Variants in SNX25 observed in about 807,000 individuals in gnomAD.
SNX25 encodes the protein sorting nexin-25.
Under a neutral mutation model 113.7 loss-of-function variants are expected in SNX25, and 62 were observed. The ratio of observed to expected loss-of-function variants is 0.55; its 90% CI spans 0.44 to 0.67. The LOEUF (loss-of-function observed/expected upper bound fraction) is 0.67. Among genes scored for constraint, SNX25 ranks in the 30% least tolerant of loss-of-function variants. The pLI is 0.00. For synonymous variants in SNX25, 421 were observed against 436.2 expected, an observed-to-expected ratio of 0.97 and a Z score of 0.43; for missense variants, 1,014 against 1,161.0, an observed-to-expected ratio of 0.87 and a Z score of 1.84.
intron 1 of SNX25, among the ~76,000 whole-genome samples, chr4:185,221,026 C>T (rs560026040): frequency 6.6e-6 from 1 of 151,824 alleles, no homozygotes; most frequent in African/African-American, 2.4e-5. Context: ...GCCACCACAC[C>T]CAGCTAATTT....
intron 4 of SNX25, 73 bp from the exon 5 acceptor site, chr4:185,266,896 G>A (rs2126547807): frequency 7.0e-7 from 1 of 1,420,710 alleles, no homozygotes; most frequent in East Asian, 2.3e-5. Context: ...TGTAGTCTCA[G>A]TTATGTGATA....
intron 6 of SNX25, among the ~76,000 whole-genome samples, chr4:185,307,273 G>T (rs1269251224): frequency 6.6e-6 from 1 of 152,236 alleles, no homozygotes; most frequent in Non-Finnish European, 1.5e-5. Flanking sequence ...CCATTACTTA[G>T]ACTGCACTCG....
intron 5 of SNX25, 35 bp downstream of exon 5, chr4:185,267,190 A>G: frequency 2.5e-6 from 4 of 1,581,670 alleles, no homozygotes; most frequent in East Asian, 2.2e-5. Context: ...AGCAACAGCT[A>G]CTGATTATCA....
At chr4:185,330,043 C>G (rs1394853530) in intron 9 of SNX25, among the ~76,000 whole-genome samples, 1 of 152,122 alleles carries the variant, frequency 6.6e-6, no homozygotes, top group Non-Finnish European at 1.5e-5. Flanking sequence ...GAAAGAAGCA[C>G]AAAAAGTGGC....
intron 6 of SNX25, among the ~76,000 whole-genome samples, chr4:185,305,339 C>G (rs971864067): frequency 6.6e-6 from 1 of 152,134 alleles, no homozygotes; most frequent in Admixed American, 6.5e-5. Flanking sequence ...GCTGAGGATG[C>G]TGCCATTATG....
downstream of SNX25, among the ~76,000 whole-genome samples, chr4:185,368,795 G>GTTTTTT (rs34691416): frequency 3.0e-5 from 4 of 133,086 alleles, no homozygotes; most frequent in African/African-American, 2.8e-5. Flanking sequence ...AATCTGTTTT[G>GTTTTTT]TTTTTTTTTT....
the SNX25 span, chr4:185,377,667 G>A: frequency 5.9e-6 from 1 of 170,058 alleles, no homozygotes; most frequent in East Asian, 1.7e-4. Context: ...GGAGAGGTGA[G>A]TTAAATTCTT....
rs139285103 is a variant in SNX25, at chr4:185,222,982, G to A, written c.429+12727G>A. The stretch of plus-strand genomic sequence containing the variant: ...GCTTTGGATATGGAAGATGTTAAGT[G>A]GTAGCTTTTACACTTACTTTTTACA... On this transcript the variant is annotated intron_variant, in intron 1 of 18. Transcript: ENST00000652585. Among the ~76,000 whole-genome samples, 230 of 152,290 alleles carry A rather than the reference G, an allele frequency of 1.5e-3. 1 individual carries two copies. The highest frequency in any genetic ancestry group is 5.3e-3 in the African/African-American group (221 of 41,556).
chr4:185,310,510 C>T, intron 6 of SNX25, 125 bp from the exon 7 acceptor site: 1 of 624,878 alleles, frequency 1.6e-6, no homozygotes, highest in Non-Finnish European at 2.6e-6. Context: ...GGATTCTGTT[C>T]TGTTATTTTG....
At chr4:185,205,380 G>A (rs919048376), upstream of SNX25, among the ~76,000 whole-genome samples, 4 of 152,028 alleles carry the variant, frequency 2.6e-5, no homozygotes, top group East Asian at 1.9e-4. Flanking sequence ...CTTGAACTCC[G>A]GAGGTGGAGG....
intron 1 of SNX25, among the ~76,000 whole-genome samples, chr4:185,237,946 C>T (rs548738870): frequency 6.6e-6 from 1 of 150,836 alleles, no homozygotes; most frequent in Admixed American, 6.7e-5. Flanking sequence ...ACCTGTAGTC[C>T]CAGCTACCCA....
chr4:185,212,492 T>TGTGTTTTTG (rs1491296342), intron 1 of SNX25, among the ~76,000 whole-genome samples: 2 of 27,870 alleles, frequency 7.2e-5, no homozygotes, highest in African/African-American at 2.4e-4. Flanking sequence ...TGTGTGTGTG[T>TGTGTTTTTG]TTTTTTTTTT....
intron 1 of SNX25, among the ~76,000 whole-genome samples, chr4:185,220,732 G>A (rs926100746): frequency 2.4e-4 from 37 of 152,060 alleles, no homozygotes; most frequent in Admixed American, 4.6e-4. Flanking sequence ...CGCCCACCTC[G>A]GCCTCCCAAA....
chr4:185,315,963 C>T (rs1031560276), intron 7 of SNX25, among the ~76,000 whole-genome samples: 2 of 152,124 alleles, frequency 1.3e-5, no homozygotes, highest in African/African-American at 4.8e-5. Flanking sequence ...TAATGACATG[C>T]AATATACTGC....
chr4:185,264,331 G>A, intron 3 of SNX25, 107 bp from the exon 4 acceptor site: 1 of 1,076,882 alleles, frequency 9.3e-7, no homozygotes, highest in Non-Finnish European at 1.3e-6. Context: ...GGAGATGGCA[G>A]TTACTATAAC....
chr4:185,257,613 G>A (rs924936803), intron 2 of SNX25, among the ~76,000 whole-genome samples: 1 of 152,126 alleles, frequency 6.6e-6, no homozygotes, highest in Non-Finnish European at 1.5e-5. Flanking sequence ...TATTATTAAA[G>A]TGAATTTTAC....
At chr4:185,205,227 G>A (rs908228606), upstream of SNX25, among the ~76,000 whole-genome samples, 5 of 152,238 alleles carry the variant, frequency 3.3e-5, no homozygotes, top group African/African-American at 1.2e-4. Context: ...AGGCCGAGGC[G>A]GGTGGGGCCC....
intron 10 of SNX25, among the ~76,000 whole-genome samples, chr4:185,333,013 A>G (rs112902878): frequency 0.014 from 2,155 of 152,236 alleles, 50 homozygotes; most frequent in African/African-American, 0.049. Context: ...GGGCCTTTGG[A>G]GAAGGGGCAA....
In SNX25 at chr4:185,210,146, T is replaced by C. The variant is rs1247307392; in HGVS notation, c.320T>C (p.Leu107Pro). The C allele has an allele frequency of 1.0e-6, 1 of 984,028 alleles. No individual in the cohort carries two copies. The highest frequency in any genetic ancestry group is 1.2e-6 in the Non-Finnish European group (1 of 829,548). 61.0% of individuals were successfully genotyped at this position (984,028 alleles called of 1,614,324 possible). ...AGCTGCGCGGCGGCCGCCTTCCTGC[T>C]GGGGATCCTGTTTGCCCTCGTCTGC... is the stretch of plus-strand genomic sequence containing the variant. The part of the protein sequence containing the change: ...YLSCAAAAFL[L>P]GILFALVCRS... Residue 107 changes from leucine (L) to proline (P), a missense_variant, in exon 1 of 19, where the codon CTG becomes CCG. Coordinates refer to ENST00000652585, the MANE Select transcript of SNX25 (RefSeq NM_001378034.2). The surrounding 1 kb of genome is among the most constrained non-coding windows in gnomAD (Gnocchi z 4.4).
Sources: allele counts gnomAD v4.1 joint callset (sites outside exome capture counted in the v4.1 genomes callset), GRCh38; gene constraint gnomAD v4.1.1; non-coding constraint Gnocchi (gnomAD v3.1); transcripts MANE v1.5; gene names NCBI Gene and HGNC (gene_info 2026-07-23, HGNC 2026-07-21).